MYO18B: variants seen among roughly 807,000 people sequenced by gnomAD.
MYO18B encodes the protein myosin XVIIIB, also known as unconventional myosin-XVIIIb.
In MYO18B, 204 loss-of-function variants were observed where a neutral mutation model predicts 273.0. That is an observed-to-expected ratio of 0.75 (90% CI 0.67 to 0.84). The LOEUF is 0.84. MYO18B is among the 40% of genes least tolerant of loss of function. MYO18B has a pLI of 0.00. For synonymous variants in MYO18B, 1,330 were observed against 1,305.7 expected (o/e 1.02, Z -0.40); for missense variants, 3,212 against 3,287.6 (o/e 0.98, Z 0.56).
chr22:25,816,408 C>G (rs1282251160), intron 12 of MYO18B, among the ~76,000 whole-genome samples: 1 of 152,094 alleles, frequency 6.6e-6, no homozygotes, highest in Non-Finnish European at 1.5e-5. Context: ...AGGTTTGTTA[C>G]ATAGGTATAC....
intron 34 of MYO18B, among the ~76,000 whole-genome samples, chr22:25,930,645 T>C (rs982050169): frequency 6.6e-6 from 1 of 151,884 alleles, no homozygotes; most frequent in East Asian, 2.0e-4. Context: ...CTAATTGTTC[T>C]GTATTTTTGC....
chr22:25,906,227 A>G (rs899985492), intron 31 of MYO18B, among the ~76,000 whole-genome samples: 1 of 152,228 alleles, frequency 6.6e-6, no homozygotes, highest in South Asian at 2.1e-4. Flanking sequence ...GTTAACTCGT[A>G]TAAGTTTGAC....
intron 39 of MYO18B, among the ~76,000 whole-genome samples, chr22:25,966,989 C>T (rs1601710962): frequency 1.3e-5 from 2 of 152,194 alleles, no homozygotes; most frequent in East Asian, 3.8e-4. Flanking sequence ...GGGTCTATTA[C>T]TCCCCGACTT....
At chr22:25,896,567 T>C (rs1341919206) in intron 28 of MYO18B, 1 of 152,204 alleles carries the variant, frequency 6.6e-6, no homozygotes, top group Non-Finnish European at 1.5e-5. Flanking sequence ...AATTTCCTTC[T>C]TTCTTGAAGG....
At chr22:25,949,791 GA>G (rs1420026703) in intron 36 of MYO18B, among the ~76,000 whole-genome samples, 1 of 152,028 alleles carries the variant, frequency 6.6e-6, no homozygotes, top group African/African-American at 2.4e-5. Context: ...AAAGATACAA[GA>G]AATAGAAAGT....
chr22:25,853,833 A>C (rs550794856), intron 21 of MYO18B, among the ~76,000 whole-genome samples: 3 of 151,834 alleles, frequency 2.0e-5, no homozygotes, highest in South Asian at 2.1e-4. Context: ...GCTTCTTCTT[A>C]TTCTTTTTTT....
intron 42 of MYO18B, among the ~76,000 whole-genome samples, chr22:26,018,546 A>G (rs1935560050): frequency 6.6e-6 from 1 of 152,204 alleles, no homozygotes; most frequent in African/African-American, 2.4e-5. Flanking sequence ...TGAATAAGCT[A>G]AGAATCAATA....
chr22:25,943,060 A>G (rs2092663425), intron 34 of MYO18B, among the ~76,000 whole-genome samples: 1 of 152,250 alleles, frequency 6.6e-6, no homozygotes, highest in African/African-American at 2.4e-5. Flanking sequence ...GGCTGGGCAG[A>G]TGGGAACTGT....
intron 2 of MYO18B, 56 bp downstream of exon 2, chr22:25,761,187 C>T (rs565515070): frequency 2.5e-5 from 40 of 1,596,350 alleles, no homozygotes; most frequent in East Asian, 6.7e-5. Flanking sequence ...ACTCGACCCT[C>T]GGGAGACAAG....
chr22:25,777,815 G>A, intron 8 of MYO18B, 34 bp downstream of exon 8: 3 of 1,541,452 alleles, frequency 1.9e-6, no homozygotes, highest in Non-Finnish European at 2.6e-6. Context: ...GGAGAGTTGG[G>A]GTCAGCACGG....
At chr22:25,826,633 A>G in intron 14 of MYO18B, 134 bp downstream of exon 14, 1 of 705,412 alleles carries the variant, frequency 1.4e-6, no homozygotes, top group Admixed American at 2.8e-5. Context: ...TGCTGGGTTT[A>G]ACTTCTACCT....
intron 39 of MYO18B, among the ~76,000 whole-genome samples, chr22:25,971,998 C>T (rs921168683): frequency 1.3e-5 from 2 of 151,814 alleles, no homozygotes; most frequent in Non-Finnish European, 2.9e-5. Flanking sequence ...GTTGGCCAGG[C>T]TGGTCTCGAA....
intron 12 of MYO18B, among the ~76,000 whole-genome samples, chr22:25,805,105 A>G (rs371424222): frequency 6.6e-6 from 1 of 152,214 alleles, no homozygotes; most frequent in East Asian, 1.9e-4. Context: ...CCCTGTGCCC[A>G]GCTCTCAGTG....
chr22:25,828,703 C>A, intron 14 of MYO18B, 73 bp from the exon 15 acceptor site: 1 of 1,454,364 alleles, frequency 6.9e-7, no homozygotes, highest in Non-Finnish European at 9.4e-7. Flanking sequence ...ACCAGTTCTG[C>A]TGGAGGCTTG....
chr22:25,948,451 C>T (rs201133109), intron 36 of MYO18B, among the ~76,000 whole-genome samples: 20,180 of 98,728 alleles, frequency 0.2, 1,578 homozygotes, highest in Middle Eastern at 0.3. Flanking sequence ...TCCTTCCTTC[C>T]TTCCTTCCTT....
intron 34 of MYO18B, among the ~76,000 whole-genome samples, chr22:25,928,829 A>T (rs535048697): frequency 6.6e-6 from 1 of 152,204 alleles, no homozygotes; most frequent in African/African-American, 2.4e-5. Context: ...ACACTGGACC[A>T]TGGATTTGAA....
At chr22:25,844,909 G>A (rs963398710) in intron 18 of MYO18B, among the ~76,000 whole-genome samples, 1 of 152,294 alleles carries the variant, frequency 6.6e-6, no homozygotes, top group East Asian at 1.9e-4. Flanking sequence ...GTGGGCAGTC[G>A]CTCTCCCTCA....
intron 25 of MYO18B, among the ~76,000 whole-genome samples, chr22:25,881,949 T>G (rs969491494): frequency 6.6e-6 from 1 of 152,194 alleles, no homozygotes; most frequent in Non-Finnish European, 1.5e-5. Flanking sequence ...CTTCATAGCC[T>G]TCACATGTGC....
chr22:25,960,752 G>A (rs2092909299), intron 39 of MYO18B, among the ~76,000 whole-genome samples: 2 of 152,118 alleles, frequency 1.3e-5, no homozygotes, highest in African/African-American at 4.8e-5. Context: ...GGCTTCTATA[G>A]TGACTCCTCA....
Sources: gnomAD v4.1 joint callset for allele counts (sites outside exome capture counted in the v4.1 genomes callset) on GRCh38, gnomAD v4.1.1 for gene constraint, MANE v1.5 for transcripts, NCBI Gene and HGNC (gene_info 2026-07-23, HGNC 2026-07-21) for gene names.